IL12RB2: variants seen among roughly 807,000 people sequenced by gnomAD.
IL12RB2 encodes interleukin-12 receptor subunit beta-2.
Under a neutral mutation model 89.4 loss-of-function variants are expected in IL12RB2, and 82 were observed. The observed-to-expected ratio is 0.92, with a 90% CI of 0.77 to 1.10. The LOEUF is 1.10. IL12RB2 is among the 50% of genes least tolerant of loss of function. The pLI, the probability that IL12RB2 is intolerant of heterozygous loss-of-function variation, is 0.00. For synonymous variants in IL12RB2, 368 were observed against 370.1 expected, an observed-to-expected ratio of 0.99 and a Z score of 0.07; for missense variants, 963 against 1,031.9, an observed-to-expected ratio of 0.93 and a Z score of 0.92.
At chr1:67,348,389 C>G (rs1214616125) in intron 9 of IL12RB2, among the ~76,000 whole-genome samples, 2 of 152,160 alleles carry the variant, frequency 1.3e-5, no homozygotes, top group African/African-American at 4.8e-5. Flanking sequence ...TAGGGAGCAG[C>G]ACGTCATAAC....
At chr1:67,325,280 T>C (rs1453221178) in intron 4 of IL12RB2, among the ~76,000 whole-genome samples, 1 of 152,256 alleles carries the variant, frequency 6.6e-6, no homozygotes, top group Non-Finnish European at 1.5e-5. Flanking sequence ...CTTTCTTTTT[T>C]GAGGCAAAGT....
At chr1:67,309,857 C>T (rs1210514998) in intron 1 of IL12RB2, among the ~76,000 whole-genome samples, 1 of 152,268 alleles carries the variant, frequency 6.6e-6, no homozygotes, top group Admixed American at 6.5e-5. Context: ...GCTCACAGCA[C>T]TGCTGTCAAC....
chr1:67,323,231 T>C (rs1216742224), intron 4 of IL12RB2, among the ~76,000 whole-genome samples: 2 of 152,154 alleles, frequency 1.3e-5, no homozygotes, highest in Non-Finnish European at 2.9e-5. Flanking sequence ...AAGCAGATCA[T>C]TGGTAGGAAG....
chr1:67,310,184 C>CAAAA (rs890229904), intron 1 of IL12RB2, among the ~76,000 whole-genome samples: 7 of 36,718 alleles, frequency 1.9e-4, no homozygotes, highest in African/African-American at 4.0e-4. Context: ...AACTTCATCT[C>CAAAA]AAAAAAAAAA....
chr1:67,310,345 A>C (rs964114202), intron 1 of IL12RB2, among the ~76,000 whole-genome samples: 2 of 152,080 alleles, frequency 1.3e-5, no homozygotes, highest in African/African-American at 4.8e-5. Context: ...TGGTCAGTGC[A>C]TTTGCTGGAC....
chr1:67,371,609 G>T (rs1193142748), intron 11 of IL12RB2, among the ~76,000 whole-genome samples: 2 of 152,126 alleles, frequency 1.3e-5, no homozygotes, highest in East Asian at 3.8e-4. Context: ...AGGTATCTAT[G>T]AAAGGGGCCT....
rs570235598 is a variant in IL12RB2, at chr1:67,332,484, G to A, written c.958+1674G>A. Among the ~76,000 whole-genome samples, 19 of 152,142 alleles carry A rather than the reference G, an allele frequency of 1.2e-4. No homozygotes were observed. In the East Asian group the frequency reaches 3.1e-3, roughly 25 times the overall value. ...ACCTGCCTCGGCCTCCCAAAGTGCTGGGATTACAGAATATATTTTAAAAAT... is the reference window on the plus strand; with the variant it reads ...ACCTGCCTCGGCCTCCCAAAGTGCTAGGATTACAGAATATATTTTAAAAAT... On this transcript the variant is annotated intron_variant, in intron 8 of 16. Coordinates refer to ENST00000674203, the MANE Select transcript of IL12RB2 (RefSeq NM_001374259.2).
intron 14 of IL12RB2, among the ~76,000 whole-genome samples, chr1:67,381,049 C>T (rs1664514982): frequency 6.6e-6 from 1 of 152,090 alleles, no homozygotes; most frequent in Non-Finnish European, 1.5e-5. Context: ...ATTTCCTTAC[C>T]AAAATTACAT....
chr1:67,338,336 CAAAAAAAAAAAAAAAAA>C lies in IL12RB2; in HGVS notation c.959-267_959-251del, dbSNP rs572505092. On this transcript the variant is annotated intron_variant, in intron 8 of 16. Transcript: ENST00000674203. The stretch of plus-strand genomic sequence containing the variant: ...GAGGCAACAGAGCAAGATCCTGTCT[CAAAAAAAAAAAAAAAAA>C]AAAAAAAAAAAAAAAAAAAAGTAAG... Among the ~76,000 whole-genome samples, 59 of 40,108 alleles carry C rather than the reference CAAAAAAAAAAAAAAAAA, an allele frequency of 1.5e-3. 1 individual carries two copies. The highest frequency in any genetic ancestry group is 2.0e-3 in the Non-Finnish European group (36 of 17,762). The allele number at this position is 40,108 out of a possible 152,430, so 26.3% of individuals were successfully genotyped here.
intron 5 of IL12RB2, among the ~76,000 whole-genome samples, chr1:67,327,246 A>G (rs1657457512): frequency 6.6e-6 from 1 of 152,176 alleles, no homozygotes; most frequent in Non-Finnish European, 1.5e-5. Context: ...GGTGTGAGCC[A>G]CGGTGCCCGG....
chr1:67,332,167 T>C (rs769950313), intron 8 of IL12RB2, among the ~76,000 whole-genome samples: 1 of 152,164 alleles, frequency 6.6e-6, no homozygotes, highest in Non-Finnish European at 1.5e-5. Context: ...ATACCTAATA[T>C]ATGATTCATA....
chr1:67,351,825 C>T (rs1007585077), intron 10 of IL12RB2, among the ~76,000 whole-genome samples: 1 of 152,110 alleles, frequency 6.6e-6, no homozygotes. Context: ...ATTAACTTCT[C>T]AGGATAAAAG....
intron 10 of IL12RB2, among the ~76,000 whole-genome samples, chr1:67,362,920 T>G (rs1391088736): frequency 4.0e-5 from 6 of 151,776 alleles, no homozygotes; most frequent in Non-Finnish European, 5.9e-5. Context: ...TTTTTTTTTT[T>G]TGTGACGGAG....
rs539358734 is a variant in IL12RB2, at chr1:67,395,999, C to T, written c.2499C>T (p.Pro833=). The change falls in exon 17 of 17, where the codon CCC becomes CCT. Residue 833 remains proline (P), a synonymous_variant. Coordinates refer to ENST00000674203, the MANE Select transcript of IL12RB2 (RefSeq NM_001374259.2). ...AGCACATCTCCCTTTCTGTTTTCCC[C>T]TCAAGTTCTCTTCACCCACTCACCT... The part of the protein sequence containing the change: ...EPQHISLSVF[P]SSSLHPLTFS... 1.2e-6 allele frequency: 2 copies of T among 1,605,852 alleles called. No individual in the cohort carries two copies. The highest frequency in any genetic ancestry group is 2.2e-5 in the South Asian group (2 of 90,914).
intron 16 of IL12RB2, among the ~76,000 whole-genome samples, chr1:67,392,623 C>CTTTT (rs527587132): frequency 8.3e-5 from 7 of 84,250 alleles, no homozygotes; most frequent in East Asian, 4.2e-4. Context: ...TTTTAGATAT[C>CTTTT]TTTTTTTTTT....
chr1:67,382,308 C>A (rs1664682551), intron 14 of IL12RB2, among the ~76,000 whole-genome samples: 1 of 152,232 alleles, frequency 6.6e-6, no homozygotes, highest in Admixed American at 6.5e-5. Context: ...CCTGTTGACA[C>A]TTCTCATGGG....
intron 2 of IL12RB2, among the ~76,000 whole-genome samples, chr1:67,314,846 C>T (rs1655561625): frequency 6.6e-6 from 1 of 150,462 alleles, no homozygotes; most frequent in Admixed American, 6.6e-5. Context: ...CACCCCCATC[C>T]CCGATCTGAG....
chr1:67,312,884 A>C (rs1440561519), intron 1 of IL12RB2, among the ~76,000 whole-genome samples: 1 of 152,238 alleles, frequency 6.6e-6, no homozygotes, highest in Non-Finnish European at 1.5e-5. Flanking sequence ...ACAAAAAGGA[A>C]AACAAGTGTG....
chr1:67,362,622 C>T (rs17425659), intron 10 of IL12RB2, among the ~76,000 whole-genome samples: 4 of 144,610 alleles, frequency 2.8e-5, no homozygotes, highest in African/African-American at 1.0e-4. Context: ...ACCATGCAAG[C>T]AAGGAAAGAG....
Sources: gnomAD v4.1 joint callset for allele counts (sites outside exome capture counted in the v4.1 genomes callset) on GRCh38, gnomAD v4.1.1 for gene constraint, MANE v1.5 for transcripts, NCBI Gene and HGNC (gene_info 2026-07-23, HGNC 2026-07-21) for gene names.